PEAK1: variants seen among roughly 807,000 people sequenced by gnomAD.
The protein encoded by PEAK1 is inactive tyrosine-protein kinase PEAK1.
A neutral mutation model predicts 124.7 loss-of-function variants in PEAK1; 54 were observed. The ratio of observed to expected loss-of-function variants is 0.43; its 90% CI spans 0.35 to 0.54. The LOEUF (loss-of-function observed/expected upper bound fraction) is 0.54. PEAK1 is among the 20% of genes least tolerant of loss of function. PEAK1 has a pLI of 0.01. For synonymous variants in PEAK1, 719 were observed against 760.0 expected, an observed-to-expected ratio of 0.95 and a Z score of 0.89; for missense variants, 2,046 against 2,134.5, an observed-to-expected ratio of 0.96 and a Z score of 0.82.
intron 8 of PEAK1, among the ~76,000 whole-genome samples, chr15:77,141,916 C>T (rs1427373440): frequency 6.6e-6 from 1 of 152,010 alleles, no homozygotes; most frequent in South Asian, 2.1e-4. Context: ...TAAATCTTTG[C>T]AACCTTGGGT....
chr15:77,326,473 C>T (rs529037231), intron 2 of PEAK1, among the ~76,000 whole-genome samples: 9 of 152,128 alleles, frequency 5.9e-5, no homozygotes, highest in Non-Finnish European at 1.2e-4. Flanking sequence ...TACACATTTT[C>T]TACTGTCATA....
chr15:77,168,828 C>G (rs150980789), intron 7 of PEAK1, among the ~76,000 whole-genome samples: 1 of 152,128 alleles, frequency 6.6e-6, no homozygotes, highest in South Asian at 2.1e-4. Flanking sequence ...GGACAGAATC[C>G]CAGCTGTGCT....
intron 2 of PEAK1, among the ~76,000 whole-genome samples, chr15:77,311,249 T>A (rs1241391400): frequency 6.6e-6 from 1 of 152,206 alleles, no homozygotes; most frequent in Non-Finnish European, 1.5e-5. Context: ...CAGGAATTCT[T>A]GACAGGGATA....
chr15:77,145,855 G>A (rs570292760), intron 8 of PEAK1, among the ~76,000 whole-genome samples: 61 of 152,290 alleles, frequency 4.0e-4, no homozygotes, highest in South Asian at 1.9e-3. Flanking sequence ...CCAAAGATCA[G>A]AAGTCCTTGA....
chr15:77,250,487 C>T (rs1268765037), intron 6 of PEAK1, among the ~76,000 whole-genome samples: 25 of 151,892 alleles, frequency 1.6e-4, no homozygotes, highest in Non-Finnish European at 1.5e-5. Context: ...GACTGGAGTG[C>T]AGTGGCGCAA....
intron 1 of PEAK1, among the ~76,000 whole-genome samples, chr15:77,385,829 A>G (rs1244083025): frequency 6.6e-6 from 1 of 152,190 alleles, no homozygotes; most frequent in Non-Finnish European, 1.5e-5. Flanking sequence ...CTGCCTCCTG[A>G]CTAGTTAAAA....
chr15:77,273,498 ACTCAACCC>A (rs1208147768), intron 5 of PEAK1, among the ~76,000 whole-genome samples: 1 of 152,122 alleles, frequency 6.6e-6, no homozygotes, highest in Non-Finnish European at 1.5e-5. Context: ...CAAATCAAGA[ACTCAACCC>A]CTTTTATAAC....
chr15:77,333,142 CT>C, intron 2 of PEAK1: 1 of 962,076 alleles, frequency 1.0e-6, no homozygotes. Context: ...AACTAAAACA[CT>C]TTATTTATTT....
At chr15:77,268,076 C>T (rs80180167) in intron 5 of PEAK1, among the ~76,000 whole-genome samples, 3,485 of 152,206 alleles carry the variant, frequency 0.023, 147 homozygotes, top group African/African-American at 0.079. Flanking sequence ...CAATGGAATG[C>T]CTCAGAAATA....
chr15:77,403,118 T>C, intron 1 of PEAK1: 1 of 985,404 alleles, frequency 1.0e-6, no homozygotes, highest in South Asian at 4.7e-5. Flanking sequence ...TGGAGCCTTT[T>C]CTGGTTACTA....
chr15:77,136,071 G>T (rs1325383618), intron 8 of PEAK1, among the ~76,000 whole-genome samples: 1 of 152,202 alleles, frequency 6.6e-6, no homozygotes, highest in African/African-American at 2.4e-5. Context: ...GCTTCCTGGA[G>T]ACTTGTTGAA....
chr15:77,144,958 T>A (rs1222707880), intron 8 of PEAK1, among the ~76,000 whole-genome samples: 1 of 152,206 alleles, frequency 6.6e-6, no homozygotes, highest in African/African-American at 2.4e-5. Flanking sequence ...GCAGGCCTAA[T>A]ATAACATCAC....
chr15:77,150,470 T>C (rs1337893717), intron 8 of PEAK1, among the ~76,000 whole-genome samples: 1 of 152,156 alleles, frequency 6.6e-6, no homozygotes, highest in Non-Finnish European at 1.5e-5. Flanking sequence ...TTTCTACCAG[T>C]CTTCATAACT....
chr15:77,298,052 G>A (rs1394397331), intron 2 of PEAK1, among the ~76,000 whole-genome samples: 3 of 101,256 alleles, frequency 3.0e-5, no homozygotes, highest in African/African-American at 1.2e-4. Flanking sequence ...GCGACAGGGC[G>A]AGACTCCGTC....
intron 2 of PEAK1, chr15:77,330,949 A>G (rs535467739): frequency 1.3e-6 from 1 of 788,696 alleles, no homozygotes; most frequent in African/African-American, 1.9e-5. Flanking sequence ...CCTGGGATAC[A>G]GTAGGTACTA....
chr15:77,407,882 G>T (rs1481584541), intron 1 of PEAK1, among the ~76,000 whole-genome samples: 4 of 146,428 alleles, frequency 2.7e-5, no homozygotes, highest in African/African-American at 7.6e-5. Context: ...GATAAAGCAT[G>T]ATATATATAT....
intron 6 of PEAK1, among the ~76,000 whole-genome samples, chr15:77,202,601 C>T (rs553932774): frequency 1.3e-5 from 2 of 150,554 alleles, no homozygotes; most frequent in East Asian, 2.0e-4. Flanking sequence ...CCCGTCTCTA[C>T]TAAAAAAAAT....
chr15:77,418,376 G>T (rs922378675), intron 1 of PEAK1: 1 of 984,878 alleles, frequency 1.0e-6, no homozygotes, highest in African/African-American at 1.7e-5. Flanking sequence ...TCATGTTAGA[G>T]AATCCAAAAT....
intron 6 of PEAK1, among the ~76,000 whole-genome samples, chr15:77,250,853 G>A (rs1447744156): frequency 6.6e-6 from 1 of 152,146 alleles, no homozygotes; most frequent in Non-Finnish European, 1.5e-5. Context: ...ACAGGCCACC[G>A]TGCCCCATCC....
Sources: allele counts gnomAD v4.1 joint callset (sites outside exome capture counted in the v4.1 genomes callset), GRCh38; gene constraint gnomAD v4.1.1; transcripts MANE v1.5; gene names NCBI Gene and HGNC (gene_info 2026-07-23, HGNC 2026-07-21).